Variants in SLC16A2 observed in about 807,000 individuals in gnomAD.
The protein encoded by SLC16A2 is monocarboxylate transporter 8.
A neutral mutation model predicts 27.2 loss-of-function variants in SLC16A2; 3 were observed. The ratio of observed to expected loss-of-function variants is 0.11; its 90% CI spans 0.05 to 0.28. SLC16A2 has a LOEUF of 0.28. SLC16A2 is among the 10% of genes least tolerant of loss of function. SLC16A2 has a pLI of 1.00. For missense variants in SLC16A2, 295 were observed against 458.5 expected, an observed-to-expected ratio of 0.64 and a Z score of 3.26; for synonymous variants, 202 against 187.8, an observed-to-expected ratio of 1.08 and a Z score of -0.62.
chrX:74,521,860 C>T (rs1297367918), intron 2 of SLC16A2, among the ~76,000 whole-genome samples: 1 of 112,200 alleles, frequency 8.9e-6, no homozygotes, highest in Admixed American at 9.4e-5. Flanking sequence ...AAACCCTAGT[C>T]CCACTGGTTC....
At chrX:74,497,069 G>A (rs912829106) in intron 1 of SLC16A2, among the ~76,000 whole-genome samples, 2 of 111,889 alleles carry the variant, frequency 1.8e-5, no homozygotes, top group Admixed American at 1.9e-4. Context: ...GTGCCTGCTA[G>A]GGTCTAGGGG....
intron 1 of SLC16A2, among the ~76,000 whole-genome samples, chrX:74,487,652 A>G (rs896574349): frequency 2.7e-5 from 3 of 112,123 alleles, no homozygotes; most frequent in Non-Finnish European, 5.6e-5. Flanking sequence ...GATTTTTTTA[A>G]AGAAGTGGAT....
intron 1 of SLC16A2, among the ~76,000 whole-genome samples, chrX:74,475,262 G>A (rs1298004084): frequency 9.0e-6 from 1 of 111,009 alleles, no homozygotes; most frequent in Non-Finnish European, 1.9e-5. Context: ...GTGTCTTTTG[G>A]CTGCATAAAT....
chrX:74,495,416 C>CT (rs1390036417), intron 1 of SLC16A2, among the ~76,000 whole-genome samples: 1 of 107,872 alleles, frequency 9.3e-6, no homozygotes, highest in African/African-American at 3.3e-5. Context: ...CTTTTACCCT[C>CT]TGGGGACAAG....
intron 1 of SLC16A2, among the ~76,000 whole-genome samples, chrX:74,465,549 G>A (rs1490896568): frequency 9.0e-6 from 1 of 111,488 alleles, no homozygotes; most frequent in Non-Finnish European, 1.9e-5. Flanking sequence ...GGCTGCCTGG[G>A]GAGTTGGGAG....
At chrX:74,525,974 G>GGTAGCTT in intron 4 of SLC16A2, 81 bp downstream of exon 4, 4 of 1,082,465 alleles carry the variant, frequency 3.7e-6, no homozygotes, top group Non-Finnish European at 5.1e-6. Context: ...GGGATAGAAT[G>GGTAGCTT]GTAGCTTGTT....
chrX:74,478,813 CA>C (rs1390074721), intron 1 of SLC16A2, among the ~76,000 whole-genome samples: 1 of 111,844 alleles, frequency 8.9e-6, no homozygotes, highest in Non-Finnish European at 1.9e-5. Flanking sequence ...TATTGGTCCC[CA>C]ACTCTCCTCT....
intron 1 of SLC16A2, among the ~76,000 whole-genome samples, chrX:74,499,162 A>G (rs1015887047): frequency 8.9e-6 from 1 of 112,131 alleles, no homozygotes; most frequent in Non-Finnish European, 1.9e-5. Context: ...CCCAATTTGC[A>G]GTAATCTGGC....
At chrX:74,484,850 A>G (rs1037765745) in intron 1 of SLC16A2, among the ~76,000 whole-genome samples, 1 of 112,030 alleles carries the variant, frequency 8.9e-6, no homozygotes, top group Non-Finnish European at 1.9e-5. Flanking sequence ...TTAAGAGTCA[A>G]AAGACTTAAC....
At chrX:74,429,356 C>T (rs181297216) in intron 1 of SLC16A2, among the ~76,000 whole-genome samples, 1 of 109,506 alleles carries the variant, frequency 9.1e-6, no homozygotes, top group East Asian at 2.9e-4. Context: ...CCTGTGGTCA[C>T]AGGTACTTGG....
At chrX:74,447,964 C>T (rs973221328) in intron 1 of SLC16A2, among the ~76,000 whole-genome samples, 4 of 111,245 alleles carry the variant, frequency 3.6e-5, no homozygotes, top group Non-Finnish European at 7.5e-5. Flanking sequence ...CCAGCCTGGG[C>T]GACAGAGTGA....
chrX:74,484,692 AC>A (rs777441772), intron 1 of SLC16A2, among the ~76,000 whole-genome samples: 1 of 111,808 alleles, frequency 8.9e-6, no homozygotes, highest in Admixed American at 9.5e-5. Context: ...CTTTTGGTTT[AC>A]ATTTTCCCCT....
intron 1 of SLC16A2, among the ~76,000 whole-genome samples, chrX:74,509,300 T>C (rs1930187890): frequency 9.0e-6 from 1 of 111,463 alleles, no homozygotes; most frequent in Admixed American, 9.5e-5. Context: ...CATTCAGTCT[T>C]TCACAAGATG....
intron 1 of SLC16A2, 66 bp from the exon 2 acceptor site, chrX:74,520,924 A>G (rs973173573): frequency 8.7e-7 from 1 of 1,153,241 alleles, no homozygotes; most frequent in Non-Finnish European, 1.2e-6. Context: ...AGAAGAGCTG[A>G]GATACCAGCA....
rs952627119 is a variant in SLC16A2, at chrX:74,467,767, C to T, written c.430+45700C>T. Among the ~76,000 whole-genome samples, 15 of 111,652 alleles carry T rather than the reference C, an allele frequency of 1.3e-4. 1 individual carries two copies. Among genetic ancestry groups the T allele is most frequent in the Admixed American group, 1.2e-3 (13 of 10,491 alleles). On this transcript the variant is annotated intron_variant, in intron 1 of 5. Coordinates refer to ENST00000587091, the MANE Select transcript of SLC16A2 (RefSeq NM_006517.5). ...GATTGTTGTCAGGCATGCTCCATGA[C>T]ATAGAAATCTGACTTTGTCAGTCCC...
chrX:74,524,723 C>A lies in SLC16A2; in HGVS notation c.940C>A (p.Arg314=), dbSNP rs766773277. 6.6e-6 allele frequency: 8 copies of A among 1,211,658 alleles called. No homozygotes were observed. The South Asian group carries it at 1.4e-4, about 21-fold the overall frequency. ...LAQLRKYFNM[R]VFRQRTYRIW... is the part of the protein sequence containing the mutation. ...TCAGCTCAGGAAGTACTTCAACATG[C>A]GAGTGTTCCGCCAACGCACTTACCG... The change falls in exon 3 of 6, where the codon CGA becomes AGA. Residue 314 remains arginine, a synonymous_variant. Transcript: ENST00000587091.
chrX:74,494,310 A>G (rs991255899), intron 1 of SLC16A2, among the ~76,000 whole-genome samples: 6 of 111,958 alleles, frequency 5.4e-5, no homozygotes, highest in Non-Finnish European at 1.1e-4. Flanking sequence ...CACAAGTGGA[A>G]GGGCGTAGTG....
intron 1 of SLC16A2, among the ~76,000 whole-genome samples, chrX:74,486,326 G>A (rs946677903): frequency 1.8e-5 from 2 of 112,195 alleles, no homozygotes. Flanking sequence ...ATAGGAAGCA[G>A]AAAATTATTT....
intron 1 of SLC16A2, among the ~76,000 whole-genome samples, chrX:74,439,424 C>T (rs1213066526): frequency 1.9e-5 from 2 of 103,276 alleles, no homozygotes; most frequent in Non-Finnish European, 3.9e-5. Flanking sequence ...ATTCTTCCAC[C>T]TCAGCCTCCT....
Sources: gnomAD v4.1 joint callset for allele counts (sites outside exome capture counted in the v4.1 genomes callset) on GRCh38, gnomAD v4.1.1 for gene constraint, MANE v1.5 for transcripts, NCBI Gene and HGNC (gene_info 2026-07-23, HGNC 2026-07-21) for gene names.